The following FAM171A1 variants were observed in gnomAD, a reference collection of about 807,000 sequenced individuals.
FAM171A1 encodes family with sequence similarity 171 member A1, also known as protein FAM171A1.
A neutral mutation model predicts 74.9 loss-of-function variants in FAM171A1; 23 were observed. The observed-to-expected ratio is 0.31, with a 90% CI of 0.22 to 0.44. The LOEUF (loss-of-function observed/expected upper bound fraction) is 0.44. Ranked by LOEUF, FAM171A1 falls within the 20% of genes least tolerant of loss-of-function variation. The pLI, the probability that FAM171A1 is intolerant of heterozygous loss-of-function variation, is 1.00. For missense variants in FAM171A1, 1,162 were observed against 1,159.2 expected (o/e 1.00, Z -0.03); for synonymous variants, 527 against 505.7 (o/e 1.04, Z -0.57).
At chr10:15,348,492 T>C (rs774249891) in intron 1 of FAM171A1, among the ~76,000 whole-genome samples, 2 of 152,202 alleles carry the variant, frequency 1.3e-5, no homozygotes, top group Admixed American at 6.5e-5. Context: ...AAGGAGTGGC[T>C]TGTTTACCTG....
intron 1 of FAM171A1, among the ~76,000 whole-genome samples, chr10:15,350,531 C>T (rs1448006717): frequency 2.0e-5 from 3 of 149,872 alleles, no homozygotes; most frequent in Non-Finnish European, 3.0e-5. Context: ...TTAGTAGAGA[C>T]GGGGTTTCAC....
At position 15,312,492 on chromosome 10, in the gene FAM171A1, C is replaced by T. The variant is rs527772067; in HGVS notation, c.98-28387G>A. Among the ~76,000 whole-genome samples, 345 of 151,682 alleles carry T rather than the reference C, an allele frequency of 2.3e-3. 2 individuals are homozygous for T. The highest frequency in any genetic ancestry group is 7.8e-3 in the African/African-American group (322 of 41,328). On this transcript the variant is annotated intron_variant, in intron 1 of 7. Transcript: ENST00000378116. ...AGTGGGGCAACACTGGGGGTATGCACGAGTCTCGGGGGGCTCCACCTTCTC... is the reference window on the plus strand; with the variant it reads ...AGTGGGGCAACACTGGGGGTATGCATGAGTCTCGGGGGGCTCCACCTTCTC...
At chr10:15,301,052 T>C (rs898575471) in intron 1 of FAM171A1, among the ~76,000 whole-genome samples, 1 of 152,194 alleles carries the variant, frequency 6.6e-6, no homozygotes, top group African/African-American at 2.4e-5. Context: ...CCCAAGGACA[T>C]GGAGAGCTGG....
intron 1 of FAM171A1, among the ~76,000 whole-genome samples, chr10:15,356,293 T>G (rs1323744474): frequency 6.6e-6 from 1 of 151,546 alleles, no homozygotes; most frequent in East Asian, 1.9e-4. Flanking sequence ...TTTAAAGAAC[T>G]AACAATACCT....
At chr10:15,333,265 G>A (rs937931901) in intron 1 of FAM171A1, among the ~76,000 whole-genome samples, 6 of 152,184 alleles carry the variant, frequency 3.9e-5, no homozygotes, top group South Asian at 2.1e-4. Context: ...AGGCCGAGGC[G>A]GGTGGATCAC....
chr10:15,325,774 C>G (rs1355349911), intron 1 of FAM171A1, among the ~76,000 whole-genome samples: 1 of 152,058 alleles, frequency 6.6e-6, no homozygotes, highest in African/African-American at 2.4e-5. Flanking sequence ...TCCAATTGGA[C>G]CAGGAAGTGA....
chr10:15,371,514 G>A (rs1016523732), upstream of FAM171A1, among the ~76,000 whole-genome samples: 4 of 152,020 alleles, frequency 2.6e-5, no homozygotes, highest in Non-Finnish European at 2.9e-5. Flanking sequence ...ATCACACCAG[G>A]TCACCCAAGG....
intron 3 of FAM171A1, among the ~76,000 whole-genome samples, chr10:15,255,430 C>T (rs898902882): frequency 2.6e-5 from 4 of 152,146 alleles, no homozygotes; most frequent in Non-Finnish European, 5.9e-5. Context: ...TGGGAGCTGC[C>T]ATTTGTCATC....
At chr10:15,371,498 C>G (rs1208015802), upstream of FAM171A1, among the ~76,000 whole-genome samples, 10 of 151,874 alleles carry the variant, frequency 6.6e-5, no homozygotes, top group African/African-American at 1.2e-4. Flanking sequence ...GGGCGGAGCC[C>G]TTTTCATCAC....
At chr10:15,237,231 T>C (rs116811221) in intron 5 of FAM171A1, among the ~76,000 whole-genome samples, 148 of 152,276 alleles carry the variant, frequency 9.7e-4, no homozygotes, top group African/African-American at 3.4e-3. Flanking sequence ...AAGCAGGCTA[T>C]ACCAAGACGG....
At chr10:15,314,440 C>A (rs1324247975) in intron 1 of FAM171A1, among the ~76,000 whole-genome samples, 1 of 152,112 alleles carries the variant, frequency 6.6e-6, no homozygotes, top group Non-Finnish European at 1.5e-5. Context: ...GGAAGACTGT[C>A]ATTTGCCTAG....
intron 3 of FAM171A1, among the ~76,000 whole-genome samples, chr10:15,262,207 T>G (rs1459988846): frequency 6.6e-6 from 1 of 152,086 alleles, no homozygotes; most frequent in Non-Finnish European, 1.5e-5. Flanking sequence ...TTCCGATTTG[T>G]TTTTGCCCAA....
intron 1 of FAM171A1, among the ~76,000 whole-genome samples, chr10:15,332,183 T>C (rs2131860611): frequency 6.6e-6 from 1 of 152,046 alleles, no homozygotes; most frequent in Non-Finnish European, 1.5e-5. Context: ...CTCGAACTCC[T>C]GAACTCAGAC....
chr10:15,222,188 C>T (rs1834047266), intron 5 of FAM171A1, among the ~76,000 whole-genome samples: 1 of 152,214 alleles, frequency 6.6e-6, no homozygotes, highest in Non-Finnish European at 1.5e-5. Flanking sequence ...TATAATCATC[C>T]TCACCTGAAA....
intron 5 of FAM171A1, among the ~76,000 whole-genome samples, chr10:15,240,987 T>C (rs985680367): frequency 6.6e-6 from 1 of 152,182 alleles, no homozygotes; most frequent in African/African-American, 2.4e-5. Context: ...TAGCTCCGAT[T>C]GTACCATTGC....
At chr10:15,281,431 A>C (rs1834968934) in intron 2 of FAM171A1, among the ~76,000 whole-genome samples, 1 of 152,254 alleles carries the variant, frequency 6.6e-6, no homozygotes, top group African/African-American at 2.4e-5. Flanking sequence ...AGAAACAAAC[A>C]CAAGCTCAGA....
At chr10:15,324,593 G>T (rs1233733655) in intron 1 of FAM171A1, among the ~76,000 whole-genome samples, 1 of 152,168 alleles carries the variant, frequency 6.6e-6, no homozygotes, top group East Asian at 1.9e-4. Context: ...AGTCGGCTGA[G>T]ATTTACTGTT....
chr10:15,233,738 C>T (rs575720666), intron 5 of FAM171A1, among the ~76,000 whole-genome samples: 4 of 152,082 alleles, frequency 2.6e-5, no homozygotes, highest in Non-Finnish European at 2.9e-5. Context: ...CCCATCTCTA[C>T]TAAAAATACA....
intron 6 of FAM171A1, among the ~76,000 whole-genome samples, chr10:15,217,331 T>C (rs1473777755): frequency 6.6e-6 from 1 of 152,234 alleles, no homozygotes; most frequent in Non-Finnish European, 1.5e-5. Flanking sequence ...GGCCTCATAT[T>C]ATTTCAGGGT....
Sources: allele counts gnomAD v4.1 joint callset (sites outside exome capture counted in the v4.1 genomes callset), GRCh38; gene constraint gnomAD v4.1.1; transcripts MANE v1.5; gene names NCBI Gene and HGNC (gene_info 2026-07-23, HGNC 2026-07-21).